NRXN3: variants seen among roughly 807,000 people sequenced by gnomAD.
The protein encoded by NRXN3 is neurexin 3, also known as neurexin III.
A neutral mutation model predicts 137.6 loss-of-function variants in NRXN3; 32 were observed. That is an observed-to-expected ratio of 0.23 (90% confidence interval 0.18 to 0.31). NRXN3 has a LOEUF of 0.31. Ranked by LOEUF, NRXN3 falls within the 10% of genes least tolerant of loss-of-function variation. The probability of loss-of-function intolerance (pLI) is 1.00; values close to 1 mark genes in which losing one functional copy is unlikely to be tolerated. For synonymous variants in NRXN3, 798 were observed against 784.5 expected (o/e 1.02, Z -0.29); for missense variants, 1,574 against 2,062.5 (o/e 0.76, Z 4.59).
chr14:79,823,551 G>T (rs2293820), intron 20 of NRXN3, among the ~76,000 whole-genome samples: 91,271 of 151,788 alleles, frequency 0.6, 27,885 homozygotes, highest in African/African-American at 0.72. Context: ...ACTCCAGCCT[G>T]GGCAACAGAG....
intron 6 of NRXN3, among the ~76,000 whole-genome samples, chr14:78,685,953 C>T (rs2098122239): frequency 6.6e-6 from 1 of 151,900 alleles, no homozygotes; most frequent in African/African-American, 2.4e-5. Context: ...CCGGCCATGT[C>T]ACAGTTTTAT....
chr14:79,081,009 C>G (rs1418790229), intron 15 of NRXN3, among the ~76,000 whole-genome samples: 2 of 152,264 alleles, frequency 1.3e-5, no homozygotes, highest in South Asian at 4.2e-4. Context: ...CTTCCCTTCT[C>G]CATCCCCTAA....
intron 1 of NRXN3, among the ~76,000 whole-genome samples, chr14:78,223,666 G>A (rs1237112761): frequency 1.3e-5 from 2 of 152,108 alleles, no homozygotes; most frequent in African/African-American, 2.4e-5. Context: ...TGAACTCCAT[G>A]GAGGATTTGA....
chr14:79,047,132 C>T (rs1547535), intron 15 of NRXN3, among the ~76,000 whole-genome samples: 83,185 of 147,990 alleles, frequency 0.56, 24,493 homozygotes, highest in East Asian at 0.78. Context: ...ACTCCCTTCC[C>T]GCCCCACCCC....
intron 4 of NRXN3, among the ~76,000 whole-genome samples, chr14:78,419,972 C>T (rs1337157485): frequency 2.5e-5 from 1 of 39,370 alleles, no homozygotes; most frequent in Non-Finnish European, 1.1e-4. Flanking sequence ...CACACACACA[C>T]ACACACACAC....
At chr14:78,971,348 G>A (rs1295250378) in intron 14 of NRXN3, among the ~76,000 whole-genome samples, 1 of 151,762 alleles carries the variant, frequency 6.6e-6, no homozygotes, top group Non-Finnish European at 1.5e-5. Context: ...AGGGGATGAG[G>A]TTTTATAACT....
At position 79,192,199 on chromosome 14, in the gene NRXN3, C is replaced by T. The variant is rs1322356186; in HGVS notation, c.3262+204058C>T. 3.3e-5 allele frequency among the ~76,000 whole-genome samples: 5 copies of T among 152,270 alleles called. No homozygotes were observed. The East Asian group carries it at 5.8e-4, about 18-fold the overall frequency. ...GGATTGGGATCTTAGCACTTACTTG[C>T]TGTATAACTTCTCCAGGTTACTGAT... On this transcript the variant is annotated intron_variant, in intron 15 of 20. Coordinates refer to ENST00000335750, the MANE Select transcript of NRXN3 (RefSeq NM_001330195.2).
At chr14:78,605,336 G>T (rs2097240774) in intron 4 of NRXN3, among the ~76,000 whole-genome samples, 1 of 152,148 alleles carries the variant, frequency 6.6e-6, no homozygotes, top group Admixed American at 6.5e-5. Context: ...GGGAAACACT[G>T]AACTCTTAAC....
chr14:78,525,427 A>G lies in NRXN3; in HGVS notation c.758-119693A>G, dbSNP rs532958838. ...TTAAGGTTCCTTTATAAGCTTGACT[A>G]TTGCTTTTATTTGCATAACCAAGGA... On this transcript the variant is annotated intron_variant, in intron 4 of 20. Coordinates refer to ENST00000335750, the MANE Select transcript of NRXN3 (RefSeq NM_001330195.2). Among the ~76,000 whole-genome samples the G allele has an allele frequency of 3.9e-5, 6 of 152,246 alleles. No individual in the cohort carries two copies. The South Asian group carries it at 1.2e-3, about 32-fold the overall frequency.
intron 16 of NRXN3, among the ~76,000 whole-genome samples, chr14:79,508,768 A>AG (rs1256104946): frequency 6.6e-6 from 1 of 152,194 alleles, no homozygotes; most frequent in Non-Finnish European, 1.5e-5. Flanking sequence ...GGAGAAAAAC[A>AG]GGGTTCAGTT....
At chr14:79,359,084 C>A (rs2093592167) in intron 15 of NRXN3, among the ~76,000 whole-genome samples, 1 of 152,114 alleles carries the variant, frequency 6.6e-6, no homozygotes, top group South Asian at 2.1e-4. Flanking sequence ...AATTGTGTAG[C>A]CTCAATGGGA....
chr14:79,696,560 A>G (rs1277261051), intron 18 of NRXN3, among the ~76,000 whole-genome samples: 1 of 151,976 alleles, frequency 6.6e-6, no homozygotes, highest in African/African-American at 2.4e-5. Flanking sequence ...ATTGCAATAA[A>G]TTTTAAAAAG....
At chr14:79,397,675 T>C (rs747951852) in intron 15 of NRXN3, among the ~76,000 whole-genome samples, 4 of 152,186 alleles carry the variant, frequency 2.6e-5, no homozygotes, top group African/African-American at 4.8e-5. Context: ...AACCCAAGAA[T>C]CCATAAATTT....
rs543772407 is a variant in NRXN3 at position 78,353,654 on chromosome 14, T to C, written c.757+55794T>C. 2.9e-3 allele frequency among the ~76,000 whole-genome samples: 448 copies of C among 152,300 alleles called. 1 individual carries two copies. Among genetic ancestry groups the C allele is most frequent in the Middle Eastern group, 0.02 (6 of 294 alleles). On this transcript the variant is annotated intron_variant, in intron 4 of 20. Coordinates refer to ENST00000335750, the MANE Select transcript of NRXN3 (RefSeq NM_001330195.2). ...AAAAAAAATCTGCAAACATTTTAAA[T>C]GTATATCCCTTCCTCTGGTGGCTTG...
At chr14:78,413,739 G>A (rs903448071) in intron 4 of NRXN3, among the ~76,000 whole-genome samples, 8 of 152,162 alleles carry the variant, frequency 5.3e-5, no homozygotes, top group African/African-American at 1.9e-4. Context: ...AGCAGTTGGG[G>A]GATGAGTGCA....
chr14:78,211,884 T>C (rs1595947579), intron 1 of NRXN3, among the ~76,000 whole-genome samples: 1 of 152,212 alleles, frequency 6.6e-6, no homozygotes, highest in Non-Finnish European at 1.5e-5. Context: ...TAAGTGGTTT[T>C]ATCTTTCCAT....
intron 4 of NRXN3, among the ~76,000 whole-genome samples, chr14:78,320,133 G>A (rs905733327): frequency 3.9e-5 from 6 of 152,192 alleles, no homozygotes; most frequent in Non-Finnish European, 7.3e-5. Flanking sequence ...TGTAAGTAGA[G>A]CTAGTTATTC....
At chr14:79,418,775 T>C (rs1037767086) in intron 15 of NRXN3, among the ~76,000 whole-genome samples, 3 of 152,108 alleles carry the variant, frequency 2.0e-5, no homozygotes, top group Non-Finnish European at 2.9e-5. Context: ...AAGTCATAAA[T>C]GGAGAAAGTC....
intron 6 of NRXN3, among the ~76,000 whole-genome samples, chr14:78,677,531 A>G (rs1379700454): frequency 1.3e-5 from 2 of 152,244 alleles, no homozygotes; most frequent in South Asian, 4.2e-4. Flanking sequence ...GATTTGCAAT[A>G]AAAGAGCAGT....
Sources: allele counts gnomAD v4.1 joint callset (sites outside exome capture counted in the v4.1 genomes callset), GRCh38; gene constraint gnomAD v4.1.1; transcripts MANE v1.5; gene names NCBI Gene and HGNC (gene_info 2026-07-23, HGNC 2026-07-21).